Variants in PPP3CB observed in about 807,000 individuals in gnomAD.
PPP3CB encodes protein phosphatase 3 catalytic subunit beta.
PPP3CB carries 8 observed loss-of-function variants against 66.4 expected under a neutral mutation model. That is an observed-to-expected ratio of 0.12 (90% CI 0.07 to 0.22). PPP3CB has a LOEUF of 0.22. PPP3CB is among the 10% of genes least tolerant of loss of function. The pLI is 1.00. For missense variants in PPP3CB, 319 were observed against 642.5 expected (o/e 0.50, Z 5.44); for synonymous variants, 208 against 221.2 (o/e 0.94, Z 0.53).
At chr10:73,466,985 C>G (rs2132905658) in intron 9 of PPP3CB, 1 of 152,194 alleles carries the variant, frequency 6.6e-6, no homozygotes, top group South Asian at 2.1e-4. Flanking sequence ...TTTATTTTCT[C>G]TCAAAAAGCC....
intron 1 of PPP3CB, among the ~76,000 whole-genome samples, chr10:73,484,906 GC>G (rs201955771): frequency 0.046 from 7,059 of 151,838 alleles, 502 homozygotes; most frequent in African/African-American, 0.15. Flanking sequence ...CCCAAAATTA[GC>G]CCGGGCATGG....
chr10:73,480,413 T>C (rs2056854601), intron 1 of PPP3CB, among the ~76,000 whole-genome samples: 1 of 151,916 alleles, frequency 6.6e-6, no homozygotes, highest in African/African-American at 2.4e-5. Context: ...ATGTGTAAAA[T>C]GTTACCACTG....
chr10:73,483,669 AAAAAT>A (rs1173263429), intron 1 of PPP3CB, among the ~76,000 whole-genome samples: 1 of 152,168 alleles, frequency 6.6e-6, no homozygotes, highest in Non-Finnish European at 1.5e-5. Context: ...GATAAAAAAT[AAAAAT>A]AAAATAAATT....
intron 9 of PPP3CB, among the ~76,000 whole-genome samples, chr10:73,457,851 A>ATT (rs1306813761): frequency 6.6e-6 from 1 of 152,230 alleles, no homozygotes; most frequent in East Asian, 1.9e-4. Context: ...ACACAACTCA[A>ATT]TAATTATCTC....
In PPP3CB at chr10:73,469,097, C is replaced by G. The variant is rs182523840; in HGVS notation, c.983-1419G>C. Among the ~76,000 whole-genome samples, 529 of 152,284 alleles carry G rather than the reference C, an allele frequency of 3.5e-3. 3 individuals are homozygous for G. Among genetic ancestry groups the G allele is most frequent in the African/African-American group, 0.012 (505 of 41,562 alleles). On this transcript the variant is annotated intron_variant, in intron 8 of 13. Transcript: ENST00000360663. ...TGCTAAAAAAAATCCATCCCTTAAC[C>G]TCCTGAGTCAAACCAACAAAGGACA... is the stretch of plus-strand genomic sequence containing the variant.
rs1296984557 is a variant in PPP3CB, at chr10:73,476,620, T to TAAA, written c.412-1593_412-1591dup. On this transcript the variant is annotated intron_variant, in intron 3 of 13. Coordinates refer to ENST00000360663, the MANE Select transcript of PPP3CB (RefSeq NM_021132.4). ...CGACAGAGTGAGAGTCCATCTCAAT[T>TAAA]AAAAAAAAAAAAAAAAAGAGTCAGC... Among the ~76,000 whole-genome samples the TAAA allele has an allele frequency of 1.8e-3, 216 of 122,298 alleles. 1 individual carries two copies. The highest frequency in any genetic ancestry group is 6.3e-3 in the African/African-American group (210 of 33,158). 80.2% of individuals were successfully genotyped at this position (122,298 alleles called of 152,430 possible).
chr10:73,467,009 C>G (rs1001385796), intron 9 of PPP3CB: 1 of 152,074 alleles, frequency 6.6e-6, no homozygotes, highest in Non-Finnish European at 1.5e-5. Context: ...TATGTACTAA[C>G]AAGTGTTCCT....
chr10:73,494,996 G>A (rs2057160303), intron 1 of PPP3CB, among the ~76,000 whole-genome samples: 1 of 152,166 alleles, frequency 6.6e-6, no homozygotes, highest in Admixed American at 6.5e-5. Context: ...TTAATCTGCT[G>A]ACCTGTTGTG....
intron 6 of PPP3CB, 30 bp downstream of exon 6, chr10:73,471,040 A>C: frequency 6.3e-7 from 1 of 1,598,384 alleles, no homozygotes; most frequent in East Asian, 2.2e-5. Context: ...AACAACTAAA[A>C]TGTGATTAAT....
intron 1 of PPP3CB, among the ~76,000 whole-genome samples, chr10:73,482,358 C>T (rs1392999690): frequency 1.3e-5 from 2 of 151,748 alleles, no homozygotes; most frequent in African/African-American, 2.4e-5. Context: ...CCCTGGTCAA[C>T]ACGGTGAAAC....
At chr10:73,440,182 C>G (rs1465661819) in intron 12 of PPP3CB, among the ~76,000 whole-genome samples, 2 of 152,178 alleles carry the variant, frequency 1.3e-5, no homozygotes. Context: ...TGCAAATGCA[C>G]TCCAGTATTA....
intron 12 of PPP3CB, among the ~76,000 whole-genome samples, chr10:73,441,158 T>C (rs1276143962): frequency 6.6e-6 from 1 of 152,226 alleles, no homozygotes; most frequent in East Asian, 1.9e-4. Context: ...CAATTATTAA[T>C]GTAAAAGAAA....
At chr10:73,489,007 A>G (rs977701627) in intron 1 of PPP3CB, among the ~76,000 whole-genome samples, 7 of 152,222 alleles carry the variant, frequency 4.6e-5, no homozygotes, top group African/African-American at 1.4e-4. Context: ...AATAAAGAAA[A>G]AGAAAACTTT....
intron 3 of PPP3CB, among the ~76,000 whole-genome samples, chr10:73,478,154 G>C (rs2056821106): frequency 2.0e-5 from 3 of 152,128 alleles, no homozygotes; most frequent in Admixed American, 1.3e-4. Flanking sequence ...CAGAATTCAA[G>C]TAATCTTTTT....
intron 10 of PPP3CB, chr10:73,448,537 C>A: frequency 4.7e-6 from 2 of 429,084 alleles, no homozygotes; most frequent in South Asian, 3.8e-5. Flanking sequence ...AAAACTTAAG[C>A]TAAATTTGCA....
At chr10:73,459,073 A>AAAC (rs755205521) in intron 9 of PPP3CB, among the ~76,000 whole-genome samples, 1 of 152,184 alleles carries the variant, frequency 6.6e-6, no homozygotes, top group Non-Finnish European at 1.5e-5. Context: ...TCTGTCTCAA[A>AAAC]AACAACAACA....
chr10:73,471,272 T>C (rs1050822408), intron 5 of PPP3CB, 63 bp from the exon 6 acceptor site: 18 of 1,487,440 alleles, frequency 1.2e-5, no homozygotes, highest in Admixed American at 2.1e-5. Context: ...AAAATGTGCA[T>C]AGGAAAACGA....
At chr10:73,451,887 A>G (rs1004247384) in intron 10 of PPP3CB, among the ~76,000 whole-genome samples, 8 of 151,884 alleles carry the variant, frequency 5.3e-5, no homozygotes, top group Admixed American at 4.6e-4. Context: ...CTAGGACTAC[A>G]AGCACCCACC....
At chr10:73,444,655 G>A (rs1393825584) in intron 12 of PPP3CB, 70 bp downstream of exon 12, 21 of 1,602,628 alleles carry the variant, frequency 1.3e-5, no homozygotes, top group Non-Finnish European at 1.6e-5. Flanking sequence ...TGCATTATGT[G>A]AATTGTTAGC....
Sources: allele counts gnomAD v4.1 joint callset (sites outside exome capture counted in the v4.1 genomes callset), GRCh38; gene constraint gnomAD v4.1.1; transcripts MANE v1.5; gene names NCBI Gene and HGNC (gene_info 2026-07-23, HGNC 2026-07-21).